The following DENND2A variants were observed in gnomAD, a reference collection of about 807,000 sequenced individuals.
DENND2A encodes the protein DENN domain containing 2A, also known as DENN domain-containing protein 2A.
In DENND2A, 53 loss-of-function variants were observed where a neutral mutation model predicts 105.3. The ratio of observed to expected loss-of-function variants is 0.50; its 90% confidence interval spans 0.40 to 0.63. The LOEUF is 0.63. Among genes scored for constraint, DENND2A ranks in the 30% least tolerant of loss-of-function variants. The probability of loss-of-function intolerance (pLI) is 0.00; values close to 1 mark genes in which losing one functional copy is unlikely to be tolerated. For missense variants in DENND2A, 1,138 were observed against 1,279.6 expected, an observed-to-expected ratio of 0.89 and a Z score of 1.69; for synonymous variants, 522 against 508.4, an observed-to-expected ratio of 1.03 and a Z score of -0.36.
chr7:140,631,816 G>C (rs572821811), intron 1 of DENND2A, among the ~76,000 whole-genome samples: 4 of 152,114 alleles, frequency 2.6e-5, no homozygotes, highest in African/African-American at 4.8e-5. Flanking sequence ...AGTCTCCAGG[G>C]TGCTGGAGAC....
In DENND2A at chr7:140,522,061, G is replaced by T. The variant is rs749296380; in HGVS notation, c.2705C>A (p.Ala902Asp). The change falls in exon 18 of 20, where the codon GCC (alanine) becomes GAC (aspartate). Residue 902 changes from alanine to aspartate, a missense_variant. By Grantham distance (126) the Ala-to-Asp change is moderately radical (BLOSUM62 -2). Around this residue, in one of 2 missense-constraint regions of DENND2A, gnomAD observed 627 missense variants for 779.8 expected, o/e 0.80. Transcript: ENST00000496613. The stretch of plus-strand genomic sequence containing the variant: ...AATCTCCACGAAGAAGCGGACAAAG[G>T]CTTCAGACACCACCTCGTTCAAGGG... Reference protein sequence around the residue: ...SSPLNEVVSEAFVRFFVEIVG... With the variant: ...SSPLNEVVSEDFVRFFVEIVG... The T allele has an allele frequency of 3.2e-5, 52 of 1,614,048 alleles. No individual in the cohort carries two copies. The highest frequency in any genetic ancestry group is 1.7e-6 in the Non-Finnish European group (2 of 1,180,034).
At chr7:140,576,242 T>G (rs745973669) in intron 5 of DENND2A, among the ~76,000 whole-genome samples, 4 of 151,830 alleles carry the variant, frequency 2.6e-5, no homozygotes, top group Admixed American at 6.6e-5. Flanking sequence ...TTACTTGTAT[T>G]TTTATTTTAG....
chr7:140,617,934 T>C (rs917452278), intron 1 of DENND2A, among the ~76,000 whole-genome samples: 11 of 152,152 alleles, frequency 7.2e-5, no homozygotes. Flanking sequence ...CATTGTAACA[T>C]ATAGAGATGC....
Position 140,601,909 on chromosome 7 carries a change from G to A in DENND2A, c.489C>T (p.Val163=). The A allele has an allele frequency of 6.2e-7, 1 of 1,614,148 alleles. No homozygotes were observed. Among genetic ancestry groups the A allele is most frequent in the Non-Finnish European group, 8.5e-7 (1 of 1,180,030 alleles). The change falls in exon 3 of 20, where the codon GTC becomes GTT. Residue 163 remains valine, a synonymous_variant. Transcript: ENST00000496613. The part of the protein sequence containing the change: ...QNDPLSVLKQ[V]KKLEQALKDG... ...CCTTCAAAGCCTGCTCGAGTTTCTT[G>A]ACCTGCTTCAGCACGGAGAGGGGAT...
intron 5 of DENND2A, among the ~76,000 whole-genome samples, chr7:140,581,969 G>T (rs2018505): frequency 0.048 from 7,014 of 146,574 alleles, 538 homozygotes; most frequent in African/African-American, 0.16. Context: ...TTGGGCAGAT[G>T]TTTTTTTTTT....
At chr7:140,568,232 G>A (rs1797955795) in intron 8 of DENND2A, among the ~76,000 whole-genome samples, 1 of 152,154 alleles carries the variant, frequency 6.6e-6, no homozygotes, top group Non-Finnish European at 1.5e-5. Context: ...GAGCCACCAA[G>A]CCCGGCCCCT....
chr7:140,612,932 T>C (rs558614816), intron 1 of DENND2A, among the ~76,000 whole-genome samples: 2 of 151,680 alleles, frequency 1.3e-5, no homozygotes, highest in East Asian at 2.0e-4. Context: ...CTTACTAACA[T>C]GGAGAAACGC....
intron 15 of DENND2A, among the ~76,000 whole-genome samples, chr7:140,526,956 C>T (rs1796076007): frequency 6.6e-6 from 1 of 152,130 alleles, no homozygotes; most frequent in African/African-American, 2.4e-5. Context: ...ACGGATATGA[C>T]AACGGACCAG....
intron 1 of DENND2A, among the ~76,000 whole-genome samples, chr7:140,615,514 C>T (rs1800049642): frequency 6.6e-6 from 1 of 151,766 alleles, no homozygotes. Context: ...CAAAGTCTGC[C>T]CATTTCTAGG....
Position 140,546,809 on chromosome 7 carries a change from G to A in DENND2A, c.2168C>T (p.Ser723Leu). 1 of 1,614,164 alleles carries A rather than the reference G, an allele frequency of 6.2e-7. No homozygotes were observed. Among genetic ancestry groups the A allele is most frequent in the Non-Finnish European group, 8.5e-7 (1 of 1,180,006 alleles). ...TILVKNFLPG[S>L]GTEVIELCRP... is the part of the protein sequence containing the mutation. ...AGTCTGACAACTCACCTCAGTTCCT[G>A]AACCTGGCAGGAAGTTCTTGACAAG... is the stretch of plus-strand genomic sequence containing the variant. Residue 723 changes from serine (S) to leucine (L), a missense_variant, in exon 13 of 20, where the codon TCA (serine) becomes TTA (leucine). By Grantham distance (145) the Ser-to-Leu change is moderately radical. Around this residue, in one of 2 missense-constraint regions of DENND2A, gnomAD observed 627 missense variants for 779.8 expected, o/e 0.80. Coordinates refer to ENST00000496613, the MANE Select transcript of DENND2A (RefSeq NM_015689.5).
chr7:140,537,798 C>T (rs1339936800), intron 14 of DENND2A, among the ~76,000 whole-genome samples: 1 of 152,158 alleles, frequency 6.6e-6, no homozygotes, highest in Non-Finnish European at 1.5e-5. Flanking sequence ...GCCACCATGC[C>T]CGACCTCCCT....
chr7:140,551,426 C>T (rs757467638), intron 12 of DENND2A, among the ~76,000 whole-genome samples: 23 of 151,902 alleles, frequency 1.5e-4, no homozygotes, highest in African/African-American at 5.1e-4. Flanking sequence ...GGCCTGCCTT[C>T]GTGTTTTGTG....
At chr7:140,556,467 T>A (rs568962687) in intron 11 of DENND2A, among the ~76,000 whole-genome samples, 31 of 151,624 alleles carry the variant, frequency 2.0e-4, no homozygotes, top group African/African-American at 7.3e-4. Flanking sequence ...GCCTCCCGAA[T>A]AGCTGGGATT....
At chr7:140,569,848 G>A (rs1478406465) in intron 6 of DENND2A, 110 bp from the exon 7 acceptor site, 3 of 753,950 alleles carry the variant, frequency 4.0e-6, no homozygotes, top group Non-Finnish European at 7.0e-6. Context: ...GGGCCAGGGG[G>A]AGTGGGAGAA....
intron 7 of DENND2A, 40 bp from the exon 8 acceptor site, chr7:140,568,853 T>C (rs752154011): frequency 1.3e-6 from 2 of 1,596,468 alleles, no homozygotes; most frequent in South Asian, 2.2e-5. Flanking sequence ...CAAATGTGAG[T>C]TCTTCTCATG....
intron 14 of DENND2A, among the ~76,000 whole-genome samples, chr7:140,528,096 C>T (rs1796129498): frequency 6.6e-6 from 1 of 152,074 alleles, no homozygotes; most frequent in Admixed American, 6.6e-5. Flanking sequence ...CCACCTCAGC[C>T]CCTCAAAGTG....
At chr7:140,528,810 A>G (rs970366638) in intron 14 of DENND2A, among the ~76,000 whole-genome samples, 3 of 151,032 alleles carry the variant, frequency 2.0e-5, no homozygotes, top group African/African-American at 7.3e-5. Context: ...ATGCATTGAA[A>G]TTTTTAAAAA....
chr7:140,527,533 A>G lies in DENND2A; in HGVS notation c.2328-38T>C. The G allele has an allele frequency of 1.3e-6, 2 of 1,554,144 alleles. No homozygotes were observed. The highest frequency in any genetic ancestry group is 1.7e-6 in the Non-Finnish European group (2 of 1,146,724). On this transcript the variant is annotated intron_variant, in intron 14 of 19. Coordinates refer to ENST00000496613, the MANE Select transcript of DENND2A (RefSeq NM_015689.5). This position sits in a 1 kb window ranked among gnomAD's most constrained non-coding sequence, Gnocchi z 4.9. ...AGAGAACAGGGAGAGAGGCCGACTC[A>G]GCGAGGGCCCGAGGAAGCCTCCAGG...
intron 18 of DENND2A, 110 bp downstream of exon 18, chr7:140,521,745 A>G: frequency 6.6e-7 from 1 of 1,512,618 alleles, no homozygotes; most frequent in Non-Finnish European, 9.0e-7. Context: ...GGGGAGATGG[A>G]CACAGTCCTG....
Sources: allele counts gnomAD v4.1 joint callset (sites outside exome capture counted in the v4.1 genomes callset), GRCh38; gene constraint gnomAD v4.1.1; regional missense constraint gnomAD v4.1.1; non-coding constraint Gnocchi (gnomAD v3.1); transcripts MANE v1.5; gene names NCBI Gene and HGNC (gene_info 2026-07-23, HGNC 2026-07-21).